Variants in ATG4C observed in about 807,000 individuals in gnomAD.
ATG4C encodes the protein cysteine protease ATG4C.
Under a neutral mutation model 57.6 loss-of-function variants are expected in ATG4C, and 56 were observed. The ratio of observed to expected loss-of-function variants is 0.97; its 90% CI spans 0.78 to 1.21. The LOEUF is 1.21. Ranked by LOEUF, ATG4C falls within the 50% of genes most tolerant of loss-of-function variation. The pLI is 0.00. For synonymous variants in ATG4C, 157 were observed against 174.1 expected, an observed-to-expected ratio of 0.90 and a Z score of 0.78; for missense variants, 595 against 529.8, an observed-to-expected ratio of 1.12 and a Z score of -1.21.
intron 1 of ATG4C, among the ~76,000 whole-genome samples, chr1:62,793,618 AAACC>A (rs1664364685): frequency 2.9e-5 from 3 of 104,054 alleles, no homozygotes; most frequent in Admixed American, 1.2e-4. Flanking sequence ...AAAAAAAAAA[AAACC>A]AAAAAAACAA....
At chr1:62,841,360 A>T (rs1414693027) in intron 9 of ATG4C, 68 bp from the exon 10 acceptor site, 3 of 1,337,660 alleles carry the variant, frequency 2.2e-6, no homozygotes, top group African/African-American at 1.5e-5. Flanking sequence ...AGAAAATTTT[A>T]AATAATAGTT....
At chr1:62,843,161 CA>C (rs1303252415) in intron 10 of ATG4C, among the ~76,000 whole-genome samples, 1 of 150,680 alleles carries the variant, frequency 6.6e-6, no homozygotes, top group African/African-American at 2.4e-5. Context: ...AAAAAAAAAG[CA>C]AAATTAAAAA....
intron 1 of ATG4C, among the ~76,000 whole-genome samples, chr1:62,793,129 G>A (rs1664339113): frequency 6.7e-6 from 1 of 150,002 alleles, no homozygotes; most frequent in South Asian, 2.1e-4. Context: ...CTCATGATTC[G>A]CCCGCCTCGG....
intron 1 of ATG4C, among the ~76,000 whole-genome samples, chr1:62,797,268 C>T (rs1461831887): frequency 6.6e-6 from 1 of 150,956 alleles, no homozygotes; most frequent in Non-Finnish European, 1.5e-5. Flanking sequence ...ACTCAATGCC[C>T]TCGATATCTT....
intron 1 of ATG4C, among the ~76,000 whole-genome samples, chr1:62,797,216 G>A (rs184760728): frequency 1.0e-3 from 155 of 152,086 alleles, no homozygotes; most frequent in African/African-American, 3.1e-3. Flanking sequence ...TTTATGTATC[G>A]ACATGCATAA....
intron 10 of ATG4C, among the ~76,000 whole-genome samples, chr1:62,854,814 C>T (rs778789742): frequency 5.9e-5 from 9 of 152,030 alleles, no homozygotes; most frequent in East Asian, 1.9e-4. Context: ...GGAGTTGTTT[C>T]GTTTTCTCAA....
chr1:62,859,506 A>G (rs1666785373), intron 10 of ATG4C, among the ~76,000 whole-genome samples: 1 of 152,150 alleles, frequency 6.6e-6, no homozygotes, highest in Admixed American at 6.6e-5. Flanking sequence ...TGTGTAGGGA[A>G]TTTACCATGA....
At chr1:62,809,682 G>T (rs540777511) in intron 3 of ATG4C, among the ~76,000 whole-genome samples, 4 of 149,448 alleles carry the variant, frequency 2.7e-5, no homozygotes, top group African/African-American at 9.8e-5. Flanking sequence ...TATCAGGAAA[G>T]ATTAGTCTCC....
intron 6 of ATG4C, among the ~76,000 whole-genome samples, chr1:62,827,514 A>G (rs1428497342): frequency 6.6e-6 from 1 of 152,106 alleles, no homozygotes; most frequent in Admixed American, 6.6e-5. Flanking sequence ...CAAAGCATGC[A>G]TCACCATCTC....
chr1:62,803,119 A>G (rs940679275), intron 1 of ATG4C, among the ~76,000 whole-genome samples: 6 of 152,204 alleles, frequency 3.9e-5, no homozygotes, highest in African/African-American at 1.2e-4. Flanking sequence ...CATTTATTCT[A>G]TTTTAAAGTA....
chr1:62,804,430 C>T (rs1486890204), intron 2 of ATG4C, among the ~76,000 whole-genome samples: 1 of 151,752 alleles, frequency 6.6e-6, no homozygotes. Flanking sequence ...ATATTAATAT[C>T]CTCATGTCTT....
In ATG4C at chr1:62,816,602, CG is replaced by C. The variant is rs746276531; in HGVS notation, c.191del (p.Gly64AspfsTer4). 3 of 1,612,038 alleles carry C rather than the reference CG, an allele frequency of 1.9e-6. No individual in the cohort carries two copies. Among genetic ancestry groups the C allele is most frequent in the Admixed American group, 1.7e-5 (1 of 59,764 alleles). ...EDEDKTLPAE[S>X]GCTIEDHVIA... ...GAAGATAAAACGTTACCTGCAGAGTCGGGATGTACAATAGAGGATCACGTAA... is the reference window on the plus strand; with the variant it reads ...GAAGATAAAACGTTACCTGCAGAGTCGGATGTACAATAGAGGATCACGTAA... On this transcript the variant is annotated frameshift_variant, in exon 4 of 11. Transcript: ENST00000317868. LOFTEE classifies it high-confidence loss of function.
intron 1 of ATG4C, among the ~76,000 whole-genome samples, chr1:62,793,043 C>A (rs1283025825): frequency 1.3e-5 from 2 of 151,814 alleles, no homozygotes; most frequent in African/African-American, 4.8e-5. Context: ...CCTGCCACCA[C>A]GCCCGGCTAA....
chr1:62,798,645 A>AT (rs1464814970), intron 1 of ATG4C, among the ~76,000 whole-genome samples: 7 of 150,460 alleles, frequency 4.7e-5, no homozygotes, highest in African/African-American at 1.7e-4. Flanking sequence ...CCATTTTAAT[A>AT]TTTGTTTTTT....
intron 6 of ATG4C, among the ~76,000 whole-genome samples, chr1:62,824,869 A>G (rs937958388): frequency 6.6e-6 from 1 of 151,912 alleles, no homozygotes; most frequent in African/African-American, 2.4e-5. Flanking sequence ...AGGTCTCGCT[A>G]TGTTGCCCAG....
chr1:62,832,904 G>A (rs1665885598), intron 7 of ATG4C, among the ~76,000 whole-genome samples: 1 of 152,108 alleles, frequency 6.6e-6, no homozygotes, highest in South Asian at 2.1e-4. Context: ...AGCAACAAAA[G>A]GTTACAATGG....
At chr1:62,843,702 G>T (rs1482209826) in intron 10 of ATG4C, among the ~76,000 whole-genome samples, 1 of 152,104 alleles carries the variant, frequency 6.6e-6, no homozygotes, top group Non-Finnish European at 1.5e-5. Flanking sequence ...TCAGTGTTTA[G>T]CAGAATTCAG....
intron 1 of ATG4C, among the ~76,000 whole-genome samples, chr1:62,793,822 CTATAAGTCTCTA>C (rs974207812): frequency 1.0e-4 from 15 of 147,516 alleles, no homozygotes; most frequent in East Asian, 3.9e-4. Context: ...ATATAAGACT[CTATAAGTCTCTA>C]TATAAGTCTC....
intron 10 of ATG4C, among the ~76,000 whole-genome samples, chr1:62,844,404 A>G (rs1330654768): frequency 6.6e-6 from 1 of 152,212 alleles, no homozygotes; most frequent in Non-Finnish European, 1.5e-5. Context: ...ATGAAAAGAA[A>G]AATATTCATT....
Sources: gnomAD v4.1 joint callset for allele counts (sites outside exome capture counted in the v4.1 genomes callset) on GRCh38, gnomAD v4.1.1 for gene constraint, MANE v1.5 for transcripts, NCBI Gene and HGNC (gene_info 2026-07-23, HGNC 2026-07-21) for gene names.